NUBP1: variants seen among roughly 807,000 people sequenced by gnomAD.
The protein encoded by NUBP1 is NUBP iron-sulfur cluster assembly factor 1, cytosolic, also known as cytosolic Fe-S cluster assembly factor NUBP1.
In NUBP1, 46 loss-of-function variants were observed where a neutral mutation model predicts 41.8. The ratio of observed to expected loss-of-function variants is 1.10; its 90% CI spans 0.87 to 1.41. The LOEUF is 1.41. Ranked by LOEUF, NUBP1 falls within the 40% of genes most tolerant of loss-of-function variation. The pLI is 0.00. For synonymous variants in NUBP1, 189 were observed against 154.6 expected (o/e 1.22, Z -1.65); for missense variants, 494 against 414.0 (o/e 1.19, Z -1.68).
chr16:10,761,890 A>C, intron 9 of NUBP1, 31 bp downstream of exon 9: 1 of 1,545,408 alleles, frequency 6.5e-7, no homozygotes, highest in Non-Finnish European at 8.9e-7. Flanking sequence ...GCGGCACCTC[A>C]CTCCTCGGTC....
In NUBP1 at chr16:10,768,193, G is replaced by A. The variant is rs1180423883; in HGVS notation, c.904+161G>A. The A allele has an allele frequency of 5.3e-6, 3 of 564,406 alleles. No homozygotes were observed. The highest frequency in any genetic ancestry group is 6.2e-6 in the Non-Finnish European group (2 of 320,394). 35.0% of individuals were successfully genotyped at this position (564,406 alleles called of 1,614,324 possible). ...AGGAGTCCATGAGAAATCTCTCAAT[G>A]TGTGAGTATTGTGAATTAATTCATA... On this transcript the variant is annotated intron_variant, in intron 10 of 10. Transcript: ENST00000283027. The surrounding 1 kb of genome is among the most constrained non-coding windows in gnomAD (Gnocchi z 4.3).
At chr16:10,754,248 A>ATTTAT (rs1900452150) in intron 4 of NUBP1, among the ~76,000 whole-genome samples, 1 of 139,544 alleles carries the variant, frequency 7.2e-6, no homozygotes. Flanking sequence ...ATTTTATTTT[A>ATTTAT]TTTATTTTAT....
At position 10,759,109 on chromosome 16, in the gene NUBP1, C is replaced by T. The variant is rs534226917; in HGVS notation, c.606+1082C>T. 3.9e-5 allele frequency among the ~76,000 whole-genome samples: 6 copies of T among 152,346 alleles called. No individual in the cohort carries two copies. Among genetic ancestry groups the T allele is most frequent in the Non-Finnish European group, 2.9e-5 (2 of 68,028 alleles). ...TCTCACTGGCCAGAATCAGTCAGGA[C>T]GACCCATAGTCTCACCTCATCCAGC... On this transcript the variant is annotated intron_variant, in intron 7 of 10. Coordinates refer to ENST00000283027, the MANE Select transcript of NUBP1 (RefSeq NM_002484.4). This position sits in a 1 kb window ranked among gnomAD's most constrained non-coding sequence, Gnocchi z 4.7.
At chr16:10,764,847 C>G (rs2030625157) in intron 9 of NUBP1, among the ~76,000 whole-genome samples, 1 of 79,664 alleles carries the variant, frequency 1.3e-5, no homozygotes, top group Admixed American at 1.4e-4. Flanking sequence ...GTTGGAGCAT[C>G]TGTCTGCTGG....
At chr16:10,752,852 G>A (rs1252060979) in intron 4 of NUBP1, among the ~76,000 whole-genome samples, 174 bp downstream of exon 4, 2 of 152,218 alleles carry the variant, frequency 1.3e-5, no homozygotes, top group African/African-American at 4.8e-5. Context: ...CTGGAGTGCA[G>A]TGGTGCAACC....
In NUBP1 at chr16:10,766,011, C is replaced by T. The variant is rs1446851908; in HGVS notation, c.821-1938C>T. 1 of 152,392 alleles carries T rather than the reference C, an allele frequency of 6.6e-6. No individual in the cohort carries two copies. Among genetic ancestry groups the T allele is most frequent in the Non-Finnish European group, 1.5e-5 (1 of 68,166 alleles). The allele number at this position is 152,392 out of a possible 1,614,324, so 9.4% of individuals were successfully genotyped here. On this transcript the variant is annotated intron_variant, in intron 9 of 10. Coordinates refer to ENST00000283027, the MANE Select transcript of NUBP1 (RefSeq NM_002484.4). This position sits in a 1 kb window ranked among gnomAD's most constrained non-coding sequence, Gnocchi z 4.8. ...GACAGACACGCATCTGGCAAGGTCA[C>T]TGGGGACAGAGTGGGGGAAAACCCA...
rs750608384 is a variant in NUBP1, at chr16:10,744,051, C to A, written c.110C>A (p.Ala37Asp). 1 of 1,581,040 alleles carries A rather than the reference C, an allele frequency of 6.3e-7. No individual in the cohort carries two copies. The highest frequency in any genetic ancestry group is 1.4e-5 in the African/African-American group (1 of 73,234). The change falls in exon 2 of 11, where the codon GCC becomes GAC. Residue 37 changes from alanine (A) to aspartate (D), a missense_variant. Ala to Asp is a moderately radical substitution (Grantham distance 126). Coordinates refer to ENST00000283027, the MANE Select transcript of NUBP1 (RefSeq NM_002484.4). ...CGGCTGTGCGCTTCTGGAGCGGGGGCCACTCCGGACACGGGTGAGAAAAGG... is the reference window on the plus strand; with the variant it reads ...CGGCTGTGCGCTTCTGGAGCGGGGGACACTCCGGACACGGGTGAGAAAAGG... ...NQRLCASGAG[A>D]TPDTAIEEIK...
chr16:10,752,970 T>C (rs1900391495), intron 4 of NUBP1, among the ~76,000 whole-genome samples: 1 of 152,142 alleles, frequency 6.6e-6, no homozygotes, highest in Non-Finnish European at 1.5e-5. Context: ...AATTTTTGTA[T>C]TTTTGGTAGA....
In NUBP1 at chr16:10,766,929, G is replaced by T; in HGVS notation, c.821-1020G>T. 1 of 398,584 alleles carries T rather than the reference G, an allele frequency of 2.5e-6. No individual in the cohort carries two copies. Among genetic ancestry groups the T allele is most frequent in the South Asian group, 1.3e-4 (1 of 7,824 alleles). The allele number at this position is 398,584 out of a possible 1,614,324, so 24.7% of individuals were successfully genotyped here. A position where few individuals can be genotyped will look rare whatever the true frequency, so the allele number is the denominator to read the frequency against. Reference sequence around the variant, plus strand: ...ATTGGCCTTATGTTCCCTGCCTCTGGACCCTATTTTCCTGACTCACTGGGC... The same window carrying T: ...ATTGGCCTTATGTTCCCTGCCTCTGTACCCTATTTTCCTGACTCACTGGGC... On this transcript the variant is annotated intron_variant, in intron 9 of 10. Transcript: ENST00000283027. This position sits in a 1 kb window ranked among gnomAD's most constrained non-coding sequence, Gnocchi z 4.8.
In NUBP1 at chr16:10,749,612, A is replaced by C. The variant is rs778085219; in HGVS notation, c.258+2336A>C. ...TCATGACAGTGACATCACTATCTGCAAAGTGTCAACACATGGAAAATGCTG... is the reference window on the plus strand; with the variant it reads ...TCATGACAGTGACATCACTATCTGCCAAGTGTCAACACATGGAAAATGCTG... On this transcript the variant is annotated intron_variant, in intron 3 of 10. Coordinates refer to ENST00000283027, the MANE Select transcript of NUBP1 (RefSeq NM_002484.4). This position sits in a 1 kb window ranked among gnomAD's most constrained non-coding sequence, Gnocchi z 4.1. 6.6e-6 allele frequency among the ~76,000 whole-genome samples: 1 copy of C among 152,234 alleles called. No individual in the cohort carries two copies. Among genetic ancestry groups the C allele is most frequent in the Non-Finnish European group, 1.5e-5 (1 of 68,040 alleles).
chr16:10,753,802 A>G (rs1176337294), intron 4 of NUBP1, among the ~76,000 whole-genome samples: 1 of 151,910 alleles, frequency 6.6e-6, no homozygotes, highest in Non-Finnish European at 1.5e-5. Flanking sequence ...GAGCTGGGGG[A>G]AGGGCATTCT....
At chr16:10,755,918 C>T (rs957355681) in intron 5 of NUBP1, among the ~76,000 whole-genome samples, 165 bp downstream of exon 5, 4 of 152,088 alleles carry the variant, frequency 2.6e-5, no homozygotes, top group East Asian at 3.8e-4. Context: ...AAGTGTGGGA[C>T]GGTAAAGATT....
At chr16:10,747,894 T>C (rs540411445) in intron 3 of NUBP1, among the ~76,000 whole-genome samples, 1 of 152,346 alleles carries the variant, frequency 6.6e-6, no homozygotes, top group Non-Finnish European at 1.5e-5. Flanking sequence ...GTGGGCCAAA[T>C]CCAGCCCATC....
Position 10,747,276 on chromosome 16 carries a change from G to A in NUBP1, c.258G>A (p.Gln86=). 1 of 1,613,420 alleles carries A rather than the reference G, an allele frequency of 6.2e-7. No individual in the cohort carries two copies. Among genetic ancestry groups the A allele is most frequent in the Non-Finnish European group, 8.5e-7 (1 of 1,179,958 alleles). The part of the protein sequence containing the change: ...AHGLAEDENT[Q]IALLDIDICG... ...GCCTAGCAGAGGATGAAAACACACAGGTGAGACCTCAGGAACCACTGGGAG... is the reference window on the plus strand; with the variant it reads ...GCCTAGCAGAGGATGAAAACACACAAGTGAGACCTCAGGAACCACTGGGAG... The change falls in exon 3 of 11, where the codon CAG becomes CAA. Residue 86 remains glutamine, a splice_region_variant and synonymous_variant. Coordinates refer to ENST00000283027, the MANE Select transcript of NUBP1 (RefSeq NM_002484.4).
In NUBP1 at chr16:10,755,633, G is replaced by A. The variant is rs2233536; in HGVS notation, c.328-88G>A. ...ATGAATTATATTTTAAAAAACCATCGTCTTACTTTGTACAATTTGTCTGTG... is the reference window on the plus strand; with the variant it reads ...ATGAATTATATTTTAAAAAACCATCATCTTACTTTGTACAATTTGTCTGTG... On this transcript the variant is annotated intron_variant, in intron 4 of 10. Transcript: ENST00000283027. 1.7e-3 allele frequency: 2,304 copies of A among 1,338,854 alleles called. 23 individuals are homozygous for A. The East Asian group carries it at 0.027, about 15-fold the overall frequency. The allele number at this position is 1,338,854 out of a possible 1,614,324, so 82.9% of individuals were successfully genotyped here.
At position 10,765,580 on chromosome 16, in the gene NUBP1, C is replaced by T. The variant is rs1250879960; in HGVS notation, c.821-2369C>T. Among the ~76,000 whole-genome samples the T allele has an allele frequency of 2.6e-5, 4 of 152,188 alleles. No individual in the cohort carries two copies. The highest frequency in any genetic ancestry group is 5.9e-5 in the Non-Finnish European group (4 of 68,036). ...CCACGGGCCCAGCCACAGGCCTGCC[C>T]TTGCCATTGTCTGACAGATCAGGAA... On this transcript the variant is annotated intron_variant, in intron 9 of 10. Coordinates refer to ENST00000283027, the MANE Select transcript of NUBP1 (RefSeq NM_002484.4). The surrounding 1 kb of genome is among the most constrained non-coding windows in gnomAD (Gnocchi z 4.0).
At chr16:10,762,954 G>C (rs1234298490) in intron 9 of NUBP1, among the ~76,000 whole-genome samples, 1 of 151,706 alleles carries the variant, frequency 6.6e-6, no homozygotes, top group Non-Finnish European at 1.5e-5. Flanking sequence ...GGGAACAGGA[G>C]GCTCAGGAGT....
At position 10,756,778 on chromosome 16, in the gene NUBP1, A is replaced by G. The variant is rs1376109187; in HGVS notation, c.449A>G (p.Asn150Ser). 5 of 1,589,402 alleles carry G rather than the reference A, an allele frequency of 3.1e-6. No individual in the cohort carries two copies. The highest frequency in any genetic ancestry group is 4.3e-6 in the Non-Finnish European group (5 of 1,170,894). Reference sequence around the variant, plus strand: ...GTTATCTGGAGGGGACCCAAGAAAAACGGTTTGCCACTCTGCCTTTTTTTG... The same window carrying G: ...GTTATCTGGAGGGGACCCAAGAAAAGCGGTTTGCCACTCTGCCTTTTTTTG... The part of the protein sequence containing the change: ...DAVIWRGPKK[N>S]GMIKQFLRDV... Residue 150 changes from asparagine to serine, a missense_variant and splice_region_variant, in exon 6 of 11, where the codon AAC becomes AGC. Transcript: ENST00000283027.
Position 10,766,725 on chromosome 16 carries a change from G to C in NUBP1, c.821-1224G>C, listed in dbSNP as rs2030935948. The stretch of plus-strand genomic sequence containing the variant: ...TGAAAATGAAAGTCAACTCCACGGT[G>C]TGGGAGGAGAACGGGCCTGAGAATA... On this transcript the variant is annotated intron_variant, in intron 9 of 10. Transcript: ENST00000283027. The surrounding 1 kb of genome is among the most constrained non-coding windows in gnomAD (Gnocchi z 4.8). 2.6e-6 allele frequency: 1 copy of C among 391,666 alleles called. No individual in the cohort carries two copies. Among genetic ancestry groups the C allele is most frequent in the African/African-American group, 2.1e-5 (1 of 48,502 alleles). The allele number at this position is 391,666 out of a possible 1,614,324, so 24.3% of individuals were successfully genotyped here. A position where few individuals can be genotyped will look rare whatever the true frequency, so the allele number is the denominator to read the frequency against.
Sources: gnomAD v4.1 joint callset for allele counts (sites outside exome capture counted in the v4.1 genomes callset) on GRCh38, gnomAD v4.1.1 for gene constraint, Gnocchi (gnomAD v3.1) non-coding constraint, MANE v1.5 for transcripts, NCBI Gene and HGNC (gene_info 2026-07-23, HGNC 2026-07-21) for gene names.